Variants in FGFR2 observed in about 807,000 individuals in gnomAD.
The protein encoded by FGFR2 is fibroblast growth factor receptor 2.
A neutral mutation model predicts 95.9 loss-of-function variants in FGFR2; 19 were observed. The ratio of observed to expected loss-of-function variants is 0.20; its 90% CI spans 0.14 to 0.29. FGFR2 has a LOEUF of 0.29. FGFR2 is among the 10% of genes least tolerant of loss of function. The probability of loss-of-function intolerance (pLI) is 1.00; values close to 1 mark genes in which losing one functional copy is unlikely to be tolerated. For synonymous variants in FGFR2, 392 were observed against 393.3 expected (o/e 1.00, Z 0.04); for missense variants, 707 against 1,056.9 (o/e 0.67, Z 4.59).
At chr10:121,537,895 T>C (rs1853091764) in intron 6 of FGFR2, 1 of 165,686 alleles carries the variant, frequency 6.0e-6, no homozygotes, top group Admixed American at 5.7e-5. Context: ...TCTTCATTAG[T>C]TACAACAAAG....
chr10:121,571,934 A>G (rs1858834693), intron 2 of FGFR2, among the ~76,000 whole-genome samples: 1 of 148,628 alleles, frequency 6.7e-6, no homozygotes, highest in Admixed American at 6.7e-5. Flanking sequence ...CAAGAGCAAA[A>G]CTCCATCTCA....
Position 121,579,402 on chromosome 10 carries a change from G to A in FGFR2, c.110-13698C>T, listed in dbSNP as rs150536050. ...TCCAACCATGTGAGAGCCTCTATTC[G>A]CATTCCTCTGACTTCAAAACAGGTT... On this transcript the variant is annotated intron_variant, in intron 2 of 17. Transcript: ENST00000358487. 3.0e-3 allele frequency among the ~76,000 whole-genome samples: 460 copies of A among 152,228 alleles called. 1 individual carries two copies. The highest frequency in any genetic ancestry group is 0.01 in the African/African-American group (435 of 41,540).
chr10:121,526,709 T>A, intron 6 of FGFR2: 1 of 398,644 alleles, frequency 2.5e-6, no homozygotes, highest in Non-Finnish European at 4.4e-6. Flanking sequence ...TGGGCTGGGA[T>A]GCTGGGCACC....
intron 6 of FGFR2, chr10:121,526,094 T>C (rs1032615830): frequency 4.3e-5 from 17 of 398,188 alleles, no homozygotes; most frequent in Admixed American, 8.8e-5. Context: ...CCCCCATTCA[T>C]GTAAGGAGCG....
At chr10:121,565,872 A>G in intron 2 of FGFR2, 168 bp from the exon 3 acceptor site, 1 of 746,058 alleles carries the variant, frequency 1.3e-6, no homozygotes, top group Admixed American at 2.3e-5. Flanking sequence ...GAAGTCAGGA[A>G]GTATCTGGAA....
intron 9 of FGFR2, among the ~76,000 whole-genome samples, chr10:121,504,951 C>G (rs1452066642): frequency 1.3e-5 from 2 of 152,178 alleles, no homozygotes; most frequent in Admixed American, 6.5e-5. Context: ...AAGACTTTGG[C>G]CCAAGAGAAC....
intron 9 of FGFR2, among the ~76,000 whole-genome samples, chr10:121,509,129 A>G (rs1352012092): frequency 6.6e-6 from 1 of 152,182 alleles, no homozygotes; most frequent in Non-Finnish European, 1.5e-5. Flanking sequence ...TTATTCTTCA[A>G]TTCCTACCTA....
intron 11 of FGFR2, among the ~76,000 whole-genome samples, chr10:121,500,066 T>C (rs1847393607): frequency 1.3e-5 from 2 of 152,096 alleles, no homozygotes; most frequent in African/African-American, 4.8e-5. Context: ...CGGCATGGGA[T>C]CTTCTTTCCG....
chr10:121,521,125 G>A (rs989075424), intron 6 of FGFR2, among the ~76,000 whole-genome samples: 1 of 152,212 alleles, frequency 6.6e-6, no homozygotes, highest in African/African-American at 2.4e-5. Flanking sequence ...AATATCAGGT[G>A]TTACTCTATG....
At chr10:121,484,380 G>A (rs560546199) in intron 16 of FGFR2, among the ~76,000 whole-genome samples, 1 of 152,010 alleles carries the variant, frequency 6.6e-6, no homozygotes, top group African/African-American at 2.4e-5. Context: ...AGCTTCCCAG[G>A]TCTTATCTTG....
intron 17 of FGFR2, chr10:121,480,227 T>G (rs2133692664): frequency 1.4e-6 from 1 of 693,208 alleles, no homozygotes; most frequent in East Asian, 2.6e-5. Flanking sequence ...CCAGCCCACC[T>G]GACTTCCACG....
intron 5 of FGFR2, among the ~76,000 whole-genome samples, chr10:121,542,874 C>T (rs917934750): frequency 2.6e-5 from 4 of 152,144 alleles, no homozygotes; most frequent in Admixed American, 2.6e-4. Context: ...AGTTTGTTGA[C>T]ACCAAAACAC....
intron 7 of FGFR2, among the ~76,000 whole-genome samples, chr10:121,519,380 T>C (rs1372392448): frequency 6.6e-6 from 1 of 152,190 alleles, no homozygotes; most frequent in Admixed American, 6.5e-5. Context: ...ATTTTCCTTG[T>C]TCAACATTTC....
rs1372667326 is a variant in FGFR2 at position 121,565,421 on chromosome 10, C to T, written c.376+17G>A. 6.2e-7 allele frequency: 1 copy of T among 1,613,756 alleles called. No individual in the cohort carries two copies. The highest frequency in any genetic ancestry group is 8.5e-7 in the Non-Finnish European group (1 of 1,180,044). On this transcript the variant is annotated intron_variant, in intron 3 of 17. Coordinates refer to ENST00000358487, the MANE Select transcript of FGFR2 (RefSeq NM_000141.5). ...GCTACAGAGAAGAGAGAGCATAGTG[C>T]TGGCGGGCCAACTCACCTGTGACAT...
intron 13 of FGFR2, among the ~76,000 whole-genome samples, chr10:121,496,311 C>A (rs1564874449): frequency 1.3e-5 from 2 of 152,184 alleles, no homozygotes; most frequent in Admixed American, 1.3e-4. Flanking sequence ...GAAGAGGTAT[C>A]TTTTCTGCTC....
intron 6 of FGFR2, among the ~76,000 whole-genome samples, chr10:121,521,562 T>C (rs908772779): frequency 1.4e-5 from 2 of 140,650 alleles, no homozygotes; most frequent in African/African-American, 5.2e-5. Context: ...TCACTAATCA[T>C]TAGAGAAATG....
intron 2 of FGFR2, among the ~76,000 whole-genome samples, chr10:121,567,546 T>C (rs899091274): frequency 6.6e-6 from 1 of 152,216 alleles, no homozygotes; most frequent in Non-Finnish European, 1.5e-5. Context: ...CCTGCACTTG[T>C]GGAGCGTCCA....
At chr10:121,576,508 C>A (rs1202870455) in intron 2 of FGFR2, among the ~76,000 whole-genome samples, 1 of 152,272 alleles carries the variant, frequency 6.6e-6, no homozygotes, top group Non-Finnish European at 1.5e-5. Flanking sequence ...GGGGGGCTCA[C>A]AAGGAGGTGA....
At chr10:121,523,189 G>A (rs761351876) in intron 6 of FGFR2, among the ~76,000 whole-genome samples, 7 of 152,176 alleles carry the variant, frequency 4.6e-5, no homozygotes, top group African/African-American at 9.7e-5. Context: ...TACTGGAGCC[G>A]CAAAGAAATC....
Sources: gnomAD v4.1 joint callset for allele counts (sites outside exome capture counted in the v4.1 genomes callset) on GRCh38, gnomAD v4.1.1 for gene constraint, MANE v1.5 for transcripts, NCBI Gene and HGNC (gene_info 2026-07-23, HGNC 2026-07-21) for gene names.